Variants in SNTG1 observed in about 807,000 individuals in gnomAD.
The protein encoded by SNTG1 is syntrophin gamma 1, also known as gamma-1-syntrophin.
SNTG1 carries 39 observed loss-of-function variants against 74.7 expected under a neutral mutation model. That is an observed-to-expected ratio of 0.52 (90% CI 0.40 to 0.68). The LOEUF is 0.68. Ranked by LOEUF, SNTG1 falls within the 30% of genes least tolerant of loss-of-function variation. SNTG1 has a pLI of 0.00. For missense variants in SNTG1, 685 were observed against 609.5 expected, an observed-to-expected ratio of 1.12 and a Z score of -1.30; for synonymous variants, 254 against 217.1, an observed-to-expected ratio of 1.17 and a Z score of -1.49.
chr8:50,684,462 A>C (rs755313238), intron 15 of SNTG1, among the ~76,000 whole-genome samples: 4 of 152,122 alleles, frequency 2.6e-5, no homozygotes, highest in South Asian at 2.1e-4. Flanking sequence ...TAGGAATGCT[A>C]ATTTATGGTA....
chr8:50,766,255 C>A lies in SNTG1; in HGVS notation c.1395+14144C>A, dbSNP rs74906062. ...CAAATTTTCTATTTCTTGCTCTGAT[C>A]TCTCTTTACCAGACTTTAGATAGGT... is the stretch of plus-strand genomic sequence containing the variant. On this transcript the variant is annotated intron_variant, in intron 18 of 18. Coordinates refer to ENST00000642720, the MANE Select transcript of SNTG1 (RefSeq NM_018967.5). 4.2e-3 allele frequency among the ~76,000 whole-genome samples: 643 copies of A among 152,088 alleles called. 17 individuals carry two copies. In the East Asian group the frequency reaches 0.085, roughly 20 times the overall value.
intron 1 of SNTG1, among the ~76,000 whole-genome samples, chr8:50,044,393 T>G (rs997037028): frequency 6.6e-5 from 10 of 152,162 alleles, no homozygotes; most frequent in African/African-American, 2.4e-4. Flanking sequence ...TTAAATTTCT[T>G]TCTTTTGGGC....
chr8:50,475,253 A>T (rs1345719963), intron 8 of SNTG1, among the ~76,000 whole-genome samples: 1 of 151,732 alleles, frequency 6.6e-6, no homozygotes, highest in East Asian at 1.9e-4. Context: ...AATAAAAAAG[A>T]GCATGCAGTG....
At chr8:50,498,478 T>C (rs2093923260) in intron 8 of SNTG1, among the ~76,000 whole-genome samples, 1 of 151,876 alleles carries the variant, frequency 6.6e-6, no homozygotes, top group Non-Finnish European at 1.5e-5. Context: ...TTTTGAGTGT[T>C]CTGAAACATA....
Position 50,152,382 on chromosome 8 carries a change from T to C in SNTG1, c.-102-20179T>C, listed in dbSNP as rs971765211. Among the ~76,000 whole-genome samples, 4 of 152,326 alleles carry C rather than the reference T, an allele frequency of 2.6e-5. No individual in the cohort carries two copies. In the East Asian group the frequency reaches 7.7e-4, roughly 29 times the overall value. ...ATCCAATTTGCCAGTCTGTGTCTTTTAATTGTAGCATTTAGCCCATTTACA... is the reference window on the plus strand; with the variant it reads ...ATCCAATTTGCCAGTCTGTGTCTTTCAATTGTAGCATTTAGCCCATTTACA... On this transcript the variant is annotated intron_variant, in intron 1 of 18. Coordinates refer to ENST00000642720, the MANE Select transcript of SNTG1 (RefSeq NM_018967.5).
At chr8:50,545,131 T>C (rs2094377660) in intron 11 of SNTG1, among the ~76,000 whole-genome samples, 1 of 151,950 alleles carries the variant, frequency 6.6e-6, no homozygotes, top group Admixed American at 6.6e-5. Context: ...TTGCTTTTTT[T>C]CCATAGCCCA....
intron 17 of SNTG1, among the ~76,000 whole-genome samples, chr8:50,733,919 T>G (rs1007289230): frequency 6.6e-6 from 1 of 151,882 alleles, no homozygotes; most frequent in Non-Finnish European, 1.5e-5. Flanking sequence ...TTCTTATTAC[T>G]GTCATGTCTA....
intron 1 of SNTG1, among the ~76,000 whole-genome samples, chr8:50,120,220 C>T (rs932380684): frequency 1.4e-5 from 2 of 140,896 alleles, no homozygotes; most frequent in African/African-American, 2.6e-5. Flanking sequence ...TGAATAATGC[C>T]TGACCCTTAG....
intron 2 of SNTG1, among the ~76,000 whole-genome samples, chr8:50,179,159 G>C (rs998922740): frequency 6.6e-6 from 1 of 151,956 alleles, no homozygotes; most frequent in African/African-American, 2.4e-5. Flanking sequence ...CTGTTCCATT[G>C]GTCTATGTAT....
chr8:50,540,307 T>C (rs1466282147), intron 11 of SNTG1, among the ~76,000 whole-genome samples: 1 of 152,212 alleles, frequency 6.6e-6, no homozygotes, highest in Non-Finnish European at 1.5e-5. Flanking sequence ...AATTTCAAAA[T>C]ATTTTGGGAT....
intron 8 of SNTG1, among the ~76,000 whole-genome samples, chr8:50,472,045 G>T (rs2093657919): frequency 6.6e-6 from 1 of 152,102 alleles, no homozygotes; most frequent in African/African-American, 2.4e-5. Context: ...TGAAATTAAA[G>T]AAAGTACAAG....
intron 2 of SNTG1, among the ~76,000 whole-genome samples, chr8:50,221,719 A>C (rs1279830803): frequency 1.3e-5 from 2 of 152,244 alleles, no homozygotes; most frequent in East Asian, 1.9e-4. Context: ...TATGGAGTAC[A>C]TAGTCATGTT....
chr8:50,460,054 A>G (rs1459592954), intron 8 of SNTG1, among the ~76,000 whole-genome samples: 1 of 152,162 alleles, frequency 6.6e-6, no homozygotes, highest in African/African-American at 2.4e-5. Flanking sequence ...GCCAAATGGT[A>G]GTTCTATTTT....
At chr8:50,690,724 G>A (rs2095374285) in intron 15 of SNTG1, among the ~76,000 whole-genome samples, 7 of 152,192 alleles carry the variant, frequency 4.6e-5, no homozygotes, top group Admixed American at 4.6e-4. Context: ...TGTATATTCT[G>A]TTGATTTGGT....
At chr8:50,567,706 G>A (rs1200731111) in intron 12 of SNTG1, among the ~76,000 whole-genome samples, 2 of 151,858 alleles carry the variant, frequency 1.3e-5, no homozygotes, top group African/African-American at 4.8e-5. Flanking sequence ...TTAAATTAAT[G>A]TTTTAAATGG....
At chr8:50,193,631 C>T (rs1224853801) in intron 2 of SNTG1, among the ~76,000 whole-genome samples, 3 of 152,094 alleles carry the variant, frequency 2.0e-5, no homozygotes, top group Admixed American at 2.0e-4. Flanking sequence ...GACAGTTTGA[C>T]TTCCTCTTTG....
At chr8:50,200,890 G>T (rs1338273322) in intron 2 of SNTG1, among the ~76,000 whole-genome samples, 1 of 152,110 alleles carries the variant, frequency 6.6e-6, no homozygotes, top group African/African-American at 2.4e-5. Flanking sequence ...TAAATAAATT[G>T]TTGACTTTGT....
At chr8:50,113,081 G>A (rs556305734) in intron 1 of SNTG1, among the ~76,000 whole-genome samples, 1 of 152,058 alleles carries the variant, frequency 6.6e-6, no homozygotes, top group Admixed American at 6.6e-5. Flanking sequence ...TGGCAATGTG[G>A]GCTCTTTTTT....
At chr8:50,692,070 T>C (rs940576658) in intron 15 of SNTG1, among the ~76,000 whole-genome samples, 5 of 152,250 alleles carry the variant, frequency 3.3e-5, no homozygotes, top group African/African-American at 1.2e-4. Flanking sequence ...ATTTGTCACG[T>C]AGCTCTCATG....
Sources: gnomAD v4.1 joint callset for allele counts (sites outside exome capture counted in the v4.1 genomes callset) on GRCh38, gnomAD v4.1.1 for gene constraint, MANE v1.5 for transcripts, NCBI Gene and HGNC (gene_info 2026-07-23, HGNC 2026-07-21) for gene names.